The following GRIK3 variants were observed in gnomAD, a reference collection of about 807,000 sequenced individuals.
GRIK3 encodes the protein glutamate ionotropic receptor kainate type subunit 3.
Under a neutral mutation model 102.5 loss-of-function variants are expected in GRIK3, and 29 were observed. That is an observed-to-expected ratio of 0.28 (90% confidence interval 0.21 to 0.39). GRIK3 has a LOEUF of 0.39. Among genes scored for constraint, GRIK3 ranks in the 10% least tolerant of loss-of-function variants. The pLI is 1.00. For missense variants in GRIK3, 908 were observed against 1,252.4 expected, an observed-to-expected ratio of 0.73 and a Z score of 4.15; for synonymous variants, 511 against 504.9, an observed-to-expected ratio of 1.01 and a Z score of -0.16.
intron 1 of GRIK3, among the ~76,000 whole-genome samples, chr1:36,962,899 A>T (rs2124350407): frequency 6.6e-6 from 1 of 151,686 alleles, no homozygotes; most frequent in South Asian, 2.1e-4. Context: ...AAAAAAAAAA[A>T]AAAGGAGGAA....
intron 10 of GRIK3, among the ~76,000 whole-genome samples, chr1:36,838,841 TA>T (rs966228692): frequency 1.3e-5 from 2 of 152,194 alleles, no homozygotes; most frequent in African/African-American, 4.8e-5. Context: ...ATGATGTTAT[TA>T]AAAATGGCAC....
intron 1 of GRIK3, among the ~76,000 whole-genome samples, chr1:36,929,242 C>T (rs1378174938): frequency 6.6e-6 from 1 of 152,056 alleles, no homozygotes; most frequent in African/African-American, 2.4e-5. Flanking sequence ...GACTGTATCT[C>T]CATCTTCGAA....
intron 1 of GRIK3, among the ~76,000 whole-genome samples, chr1:36,971,966 C>A (rs1642147442): frequency 6.6e-6 from 1 of 152,192 alleles, no homozygotes; most frequent in Non-Finnish European, 1.5e-5. Context: ...CAGAACCACT[C>A]CCCAGGGCCT....
At chr1:36,922,042 C>T (rs1406875152) in intron 1 of GRIK3, among the ~76,000 whole-genome samples, 1 of 152,200 alleles carries the variant, frequency 6.6e-6, no homozygotes, top group Non-Finnish European at 1.5e-5. Context: ...GGGTAGGCCC[C>T]TATGACCACA....
At chr1:36,837,435 C>T (rs1640392464) in intron 10 of GRIK3, among the ~76,000 whole-genome samples, 1 of 152,104 alleles carries the variant, frequency 6.6e-6, no homozygotes. Flanking sequence ...TCTATCCAAC[C>T]AATCGGGAGC....
intron 2 of GRIK3, among the ~76,000 whole-genome samples, chr1:36,882,915 T>TG (rs1640998644): frequency 1.3e-5 from 2 of 152,348 alleles, no homozygotes; most frequent in African/African-American, 4.8e-5. Context: ...TTCCGCCAGT[T>TG]GCAACCATCG....
At position 36,836,767 on chromosome 1, in the gene GRIK3, A is replaced by G. The variant is rs114020930; in HGVS notation, c.1530+4969T>C. Among the ~76,000 whole-genome samples the G allele has an allele frequency of 3.8e-3, 578 of 152,234 alleles. 3 individuals are homozygous for G. Among genetic ancestry groups the G allele is most frequent in the African/African-American group, 0.013 (535 of 41,528 alleles). On this transcript the variant is annotated intron_variant, in intron 10 of 15. Transcript: ENST00000373091. The stretch of plus-strand genomic sequence containing the variant: ...AATCCATTTCCCGTGGCCTGCAGAG[A>G]TTTTATGCATCCCCGTTAGCCTCCC...
intron 1 of GRIK3, among the ~76,000 whole-genome samples, chr1:36,919,720 T>C (rs555354847): frequency 6.6e-6 from 1 of 152,314 alleles, no homozygotes; most frequent in East Asian, 1.9e-4. Flanking sequence ...AGTGGACACA[T>C]GGTGATGGCA....
chr1:36,838,919 G>C (rs373330588), intron 10 of GRIK3, among the ~76,000 whole-genome samples: 3 of 152,140 alleles, frequency 2.0e-5, no homozygotes, highest in Admixed American at 6.5e-5. Flanking sequence ...TGCATGTCTC[G>C]TCAGGCCTGT....
chr1:36,815,332 A>G (rs1339120010), intron 13 of GRIK3, among the ~76,000 whole-genome samples: 3 of 152,140 alleles, frequency 2.0e-5, no homozygotes, highest in South Asian at 2.1e-4. Context: ...GAGGGGAGAA[A>G]GTGCCAGGGG....
chr1:36,956,406 C>T lies in GRIK3; in HGVS notation c.116-65310G>A, dbSNP rs371921653. Among the ~76,000 whole-genome samples the T allele has an allele frequency of 4.8e-4, 73 of 152,336 alleles. No homozygotes were observed. In the East Asian group the frequency reaches 5.6e-3, roughly 12 times the overall value. On this transcript the variant is annotated intron_variant, in intron 1 of 15. Transcript: ENST00000373091. ...CCATTTAAATGACTCAAAGCCTCAT[C>T]GTGAAACTGCCACAATTTACCCAGA...
At chr1:36,958,412 G>A (rs1361857174) in intron 1 of GRIK3, among the ~76,000 whole-genome samples, 4 of 106,860 alleles carry the variant, frequency 3.7e-5, no homozygotes, top group South Asian at 3.2e-4. Flanking sequence ...TGTGTGCCCC[G>A]TGAGTCTGTG....
chr1:37,029,921 T>C (rs1440715511), intron 1 of GRIK3, among the ~76,000 whole-genome samples: 2 of 152,190 alleles, frequency 1.3e-5, no homozygotes, highest in African/African-American at 4.8e-5. Flanking sequence ...AGGATGCAGG[T>C]GACCTTGGAA....
intron 15 of GRIK3, among the ~76,000 whole-genome samples, chr1:36,803,552 T>G (rs1250766399): frequency 6.6e-6 from 1 of 152,146 alleles, no homozygotes; most frequent in African/African-American, 2.4e-5. Flanking sequence ...TGCTTCAGCC[T>G]CCTGAGTAGC....
intron 5 of GRIK3, among the ~76,000 whole-genome samples, chr1:36,867,052 G>C (rs1049424293): frequency 1.3e-5 from 2 of 152,238 alleles, no homozygotes; most frequent in African/African-American, 4.8e-5. Flanking sequence ...CAAGTGCCTA[G>C]TGCAGTGCCC....
At chr1:36,949,406 C>T (rs1641818364) in intron 1 of GRIK3, among the ~76,000 whole-genome samples, 2 of 152,214 alleles carry the variant, frequency 1.3e-5, no homozygotes, top group South Asian at 4.2e-4. Flanking sequence ...AGAAGGCAGA[C>T]CCACAGCTCA....
intron 7 of GRIK3, among the ~76,000 whole-genome samples, chr1:36,857,963 C>T (rs1007459598): frequency 5.3e-5 from 8 of 152,210 alleles, no homozygotes; most frequent in African/African-American, 1.4e-4. Context: ...AACCCAGCTG[C>T]CAGTCACAAA....
At chr1:36,916,582 C>T (rs1193209080) in intron 1 of GRIK3, among the ~76,000 whole-genome samples, 1 of 152,094 alleles carries the variant, frequency 6.6e-6, no homozygotes, top group Non-Finnish European at 1.5e-5. Flanking sequence ...GGACTTGGTG[C>T]CCTGTGTCCC....
At chr1:36,855,242 G>A (rs1043018531) in intron 7 of GRIK3, among the ~76,000 whole-genome samples, 2 of 152,114 alleles carry the variant, frequency 1.3e-5, no homozygotes, top group African/African-American at 4.8e-5. Flanking sequence ...TTGCTTTGCC[G>A]CATTGGGTTC....
Sources: gnomAD v4.1 joint callset for allele counts (sites outside exome capture counted in the v4.1 genomes callset) on GRCh38, gnomAD v4.1.1 for gene constraint, MANE v1.5 for transcripts, NCBI Gene and HGNC (gene_info 2026-07-23, HGNC 2026-07-21) for gene names.